SERPINA5: variants seen among roughly 807,000 people sequenced by gnomAD.
SERPINA5 encodes serpin family A member 5.
SERPINA5 carries 25 observed loss-of-function variants against 25.3 expected under a neutral mutation model. The ratio of observed to expected loss-of-function variants is 0.99; its 90% CI spans 0.72 to 1.38. SERPINA5 has a LOEUF of 1.38. SERPINA5 is among the 40% of genes most tolerant of loss of function. The pLI is 0.00. For synonymous variants in SERPINA5, 234 were observed against 206.2 expected (o/e 1.14, Z -1.16); for missense variants, 599 against 509.5 (o/e 1.18, Z -1.69).
chr14:94,587,481 T>C lies in SERPINA5; in HGVS notation c.119T>C (p.Val40Ala), dbSNP rs1885129640. The change falls in exon 3 of 6, where the codon GTG becomes GCG. Residue 40 changes from valine to alanine, a missense_variant. Coordinates refer to ENST00000329597, the MANE Select transcript of SERPINA5 (RefSeq NM_000624.6). ...RVEDLHVGATVAPSSRRDFTF... is the reference protein window; with the variant it reads ...RVEDLHVGATAAPSSRRDFTF... Reference sequence around the variant, plus strand: ...GAGGACCTCCATGTAGGTGCCACGGTGGCCCCCAGCAGCAGAAGGGACTTT... The same window carrying C: ...GAGGACCTCCATGTAGGTGCCACGGCGGCCCCCAGCAGCAGAAGGGACTTT... The C allele has an allele frequency of 1.2e-6, 2 of 1,614,164 alleles. No homozygotes were observed. Among genetic ancestry groups the C allele is most frequent in the Non-Finnish European group, 1.7e-6 (2 of 1,180,014 alleles).
intron 3 of SERPINA5, among the ~76,000 whole-genome samples, chr14:94,589,583 T>C (rs141003869): frequency 1.9e-3 from 293 of 152,344 alleles, no homozygotes; most frequent in African/African-American, 6.1e-3. Flanking sequence ...GACTTCCCAA[T>C]GGGAAAAACC....
At chr14:94,583,367 T>G (rs1884975784) in intron 2 of SERPINA5, among the ~76,000 whole-genome samples, 2 of 152,106 alleles carry the variant, frequency 1.3e-5, no homozygotes, top group Non-Finnish European at 2.9e-5. Context: ...TAAGACCTGT[T>G]TTGGAGATAG....
In SERPINA5 at chr14:94,587,582, A is replaced by G. The variant is rs1446003390; in HGVS notation, c.220A>G (p.Met74Val). 6.2e-7 allele frequency: 1 copy of G among 1,614,024 alleles called. No homozygotes were observed. The highest frequency in any genetic ancestry group is 8.5e-7 in the Non-Finnish European group (1 of 1,179,926). Residue 74 changes from methionine to valine, a missense_variant, in exon 3 of 6, where the codon ATG becomes GTG. Physicochemically the swap from Met to Val is conservative, Grantham distance 21. Transcript: ENST00000329597. ...CTTCTTCTCCCCTGTGAGCATCTCC[A>G]TGAGCCTGGCCATGCTCTCCCTGGG... is the stretch of plus-strand genomic sequence containing the variant. The part of the protein sequence containing the change: ...SIFFSPVSIS[M>V]SLAMLSLGAG...
At position 94,590,757 on chromosome 14, in the gene SERPINA5, AG is replaced by A. The variant is rs1397632041; in HGVS notation, c.900del (p.Glu300AspfsTer78). 1 of 1,613,860 alleles carries A rather than the reference AG, an allele frequency of 6.2e-7. No individual in the cohort carries two copies. Among genetic ancestry groups the A allele is most frequent in the Admixed American group, 1.7e-5 (1 of 60,004 alleles). The part of the protein sequence containing the change: ...WLKMFKKRQL[E>X]LYLPKFSIEG... ...TCCTTTTCCCTTTCCAGGCAGCTCG[AG>A]CTTTACCTTCCCAAATTCTCCATTG... On this transcript the variant is annotated frameshift_variant, in exon 5 of 6. Transcript: ENST00000329597. LOFTEE classifies it high-confidence loss of function.
intron 2 of SERPINA5, among the ~76,000 whole-genome samples, chr14:94,585,132 G>T (rs147921011): frequency 6.6e-6 from 1 of 152,190 alleles, no homozygotes; most frequent in East Asian, 1.9e-4. Context: ...AGTGATAACC[G>T]AGTCTGAGTC....
At position 94,592,917 on chromosome 14, in the gene SERPINA5, A is replaced by G. The variant is rs1275260705; in HGVS notation, c.*678A>G. The G allele has an allele frequency of 6.6e-6, 1 of 152,196 alleles. No individual in the cohort carries two copies. Among genetic ancestry groups the G allele is most frequent in the African/African-American group, 2.4e-5 (1 of 41,450 alleles). 9.4% of individuals were successfully genotyped at this position (152,196 alleles called of 1,614,324 possible). On this transcript the variant is annotated 3_prime_UTR_variant, in exon 6 of 6. Transcript: ENST00000329597. ...TCAAGTGCCATTCATCCTTTAAGAA[A>G]AACATCTGGATATCAAGGTGGAAAT... is the stretch of plus-strand genomic sequence containing the variant.
intron 5 of SERPINA5, among the ~76,000 whole-genome samples, 172 bp downstream of exon 5, chr14:94,591,068 T>C (rs1412991029): frequency 2.1e-5 from 3 of 145,138 alleles, no homozygotes; most frequent in African/African-American, 5.4e-5. Context: ...TTCACTTTAT[T>C]CAATTCCACT....
intron 3 of SERPINA5, among the ~76,000 whole-genome samples, chr14:94,589,017 G>A (rs2069979): frequency 6.6e-6 from 1 of 152,190 alleles, no homozygotes; most frequent in Admixed American, 6.5e-5. Context: ...GACCACAGCA[G>A]TGAGTGTCGA....
At chr14:94,585,725 A>G (rs542267331) in intron 2 of SERPINA5, among the ~76,000 whole-genome samples, 1 of 151,154 alleles carries the variant, frequency 6.6e-6, no homozygotes, top group Non-Finnish European at 1.5e-5. Context: ...GGCCCTCTGC[A>G]CCTGGTAATT....
Position 94,592,518 on chromosome 14 carries a change from C to T in SERPINA5, c.*279C>T, listed in dbSNP as rs753217740. 2 of 355,514 alleles carry T rather than the reference C, an allele frequency of 5.6e-6. No homozygotes were observed. The highest frequency in any genetic ancestry group is 1.0e-5 in the Non-Finnish European group (2 of 195,090). 22.0% of individuals were successfully genotyped at this position (355,514 alleles called of 1,614,324 possible). ...GGCTGGATGACTTGCTCAAGTTCAC[C>T]AGCATGGTAGTGGCAAAGAGAGGTC... is the stretch of plus-strand genomic sequence containing the variant. On this transcript the variant is annotated 3_prime_UTR_variant, in exon 6 of 6. Coordinates refer to ENST00000329597, the MANE Select transcript of SERPINA5 (RefSeq NM_000624.6).
chr14:94,584,894 C>A (rs997475634), intron 2 of SERPINA5, among the ~76,000 whole-genome samples: 2 of 152,250 alleles, frequency 1.3e-5, no homozygotes, highest in South Asian at 2.1e-4. Flanking sequence ...TTAGAGAAGC[C>A]GGAGATTAAA....
At chr14:94,583,703 C>CA (rs1384128930) in intron 2 of SERPINA5, among the ~76,000 whole-genome samples, 1 of 152,142 alleles carries the variant, frequency 6.6e-6, no homozygotes, top group African/African-American at 2.4e-5. Context: ...CCATCACATC[C>CA]CCACCACCTC....
intron 4 of SERPINA5, chr14:94,590,521 C>A: frequency 5.0e-6 from 4 of 804,196 alleles, no homozygotes; most frequent in Non-Finnish European, 7.5e-6. Flanking sequence ...TAGGGTGGTG[C>A]CAGAGTGGGC....
intron 5 of SERPINA5, 107 bp downstream of exon 5, chr14:94,591,003 TCCA>T: frequency 1.0e-6 from 1 of 1,004,798 alleles, no homozygotes; most frequent in South Asian, 1.9e-5. Flanking sequence ...TCAACTCCAC[TCCA>T]CTCCACTCCA....
chr14:94,587,295 G>A, intron 2 of SERPINA5, 51 bp from the exon 3 acceptor site: 1 of 1,493,010 alleles, frequency 6.7e-7, no homozygotes, highest in Non-Finnish European at 8.9e-7. Context: ...TGGAAAGTCA[G>A]CACCTGGACC....
chr14:94,584,871 A>C (rs1030282310), intron 2 of SERPINA5, among the ~76,000 whole-genome samples: 5 of 152,186 alleles, frequency 3.3e-5, no homozygotes, highest in African/African-American at 9.7e-5. Flanking sequence ...ATTGTGCTGT[A>C]AAATAGACTC....
At chr14:94,582,756 G>C (rs1042659661) in intron 2 of SERPINA5, among the ~76,000 whole-genome samples, 1 of 152,224 alleles carries the variant, frequency 6.6e-6, no homozygotes, top group South Asian at 2.1e-4. Context: ...CATGGAGAGA[G>C]AGGCCGGAAT....
At chr14:94,584,887 G>A (rs1324632695) in intron 2 of SERPINA5, among the ~76,000 whole-genome samples, 1 of 152,188 alleles carries the variant, frequency 6.6e-6, no homozygotes, top group Admixed American at 6.5e-5. Flanking sequence ...GACTCATTTA[G>A]AGAAGCCGGA....
chr14:94,588,295 T>C (rs1462790961), intron 3 of SERPINA5, among the ~76,000 whole-genome samples: 2 of 152,076 alleles, frequency 1.3e-5, no homozygotes, highest in African/African-American at 4.8e-5. Flanking sequence ...GTGGCCACCA[T>C]GGCAAAGACA....
Sources: gnomAD v4.1 joint callset for allele counts (sites outside exome capture counted in the v4.1 genomes callset) on GRCh38, gnomAD v4.1.1 for gene constraint, MANE v1.5 for transcripts, NCBI Gene and HGNC (gene_info 2026-07-23, HGNC 2026-07-21) for gene names.